The following LYPLAL1 variants were observed in gnomAD, a reference collection of about 807,000 sequenced individuals.
LYPLAL1 encodes the protein lysophospholipase like 1.
Under a neutral mutation model 19.7 loss-of-function variants are expected in LYPLAL1, and 23 were observed. The ratio of observed to expected loss-of-function variants is 1.17; its 90% CI spans 0.84 to 1.65. The LOEUF is 1.65. LYPLAL1 is among the 40% of genes most tolerant of loss of function. The pLI is 0.00. For missense variants in LYPLAL1, 355 were observed against 279.4 expected (o/e 1.27, Z -1.93); for synonymous variants, 119 against 96.3 (o/e 1.24, Z -1.38).
the LYPLAL1 span, among the ~76,000 whole-genome samples, chr1:219,435,832 GATA>G: frequency 3.4e-3 from 513 of 151,060 alleles, 8 homozygotes; most frequent in African/African-American, 0.012. Context: ...TCCCAAAAAT[GATA>G]ATAATAATAA....
At chr1:219,366,494 C>T in the LYPLAL1 span, among the ~76,000 whole-genome samples, 2 of 152,176 alleles carry the variant, frequency 1.3e-5, no homozygotes, top group Non-Finnish European at 2.9e-5. Flanking sequence ...TACTATAGAA[C>T]AGTTTCTGTT....
the LYPLAL1 span, among the ~76,000 whole-genome samples, chr1:219,380,713 T>G: frequency 5.9e-5 from 9 of 152,192 alleles, no homozygotes; most frequent in African/African-American, 2.2e-4. Context: ...CAAAAGGCAA[T>G]ATAAATATCT....
At chr1:219,432,764 T>C in the LYPLAL1 span, among the ~76,000 whole-genome samples, 1 of 152,224 alleles carries the variant, frequency 6.6e-6, no homozygotes, top group African/African-American at 2.4e-5. Context: ...CCTTTTAAAG[T>C]TAAGCACTTA....
chr1:219,340,504 C>T, the LYPLAL1 span, among the ~76,000 whole-genome samples: 2 of 152,032 alleles, frequency 1.3e-5, no homozygotes, highest in Non-Finnish European at 2.9e-5. Flanking sequence ...GGGGAAGTTA[C>T]ATTACATTAA....
chr1:219,252,548 G>T, the LYPLAL1 span, among the ~76,000 whole-genome samples: 1 of 152,084 alleles, frequency 6.6e-6, no homozygotes, highest in Non-Finnish European at 1.5e-5. Context: ...TAAGCATGTG[G>T]TTTTTGTCTT....
the LYPLAL1 span, among the ~76,000 whole-genome samples, chr1:219,249,125 A>G: frequency 1.3e-5 from 2 of 152,018 alleles, no homozygotes; most frequent in Admixed American, 6.6e-5. Flanking sequence ...TAGCTAAAGA[A>G]CTAGATGGTC....
At chr1:219,232,615 A>G in the LYPLAL1 span, among the ~76,000 whole-genome samples, 2 of 152,214 alleles carry the variant, frequency 1.3e-5, no homozygotes, top group African/African-American at 4.8e-5. Flanking sequence ...ATGGGAGAAA[A>G]TATTTGCCAA....
At chr1:219,236,529 A>G in the LYPLAL1 span, among the ~76,000 whole-genome samples, 1 of 152,242 alleles carries the variant, frequency 6.6e-6, no homozygotes. Flanking sequence ...CCTAACTGTC[A>G]ATAAGACATT....
chr1:219,200,860 G>A (rs975193959), intron 3 of LYPLAL1, among the ~76,000 whole-genome samples: 5 of 152,208 alleles, frequency 3.3e-5, no homozygotes, highest in African/African-American at 9.6e-5. Context: ...CTGTCTCCCC[G>A]GAGTTGCCTC....
At chr1:219,397,902 G>A in the LYPLAL1 span, among the ~76,000 whole-genome samples, 1 of 152,138 alleles carries the variant, frequency 6.6e-6, no homozygotes, top group Non-Finnish European at 1.5e-5. Context: ...GACTTGTAAG[G>A]TTTCTGCTGA....
the LYPLAL1 span, among the ~76,000 whole-genome samples, chr1:219,346,482 AAAG>A: frequency 6.6e-6 from 1 of 151,230 alleles, no homozygotes; most frequent in African/African-American, 2.4e-5. Context: ...TTTTTTCAAA[AAAG>A]CCATAAACAT....
At chr1:219,223,327 C>T in the LYPLAL1 span, 3 of 152,202 alleles carry the variant, frequency 2.0e-5, no homozygotes, top group African/African-American at 7.2e-5. Flanking sequence ...CCCAGTAAAC[C>T]ATACAATTTG....
the LYPLAL1 span, chr1:219,272,203 G>C: frequency 6.6e-6 from 1 of 152,572 alleles, no homozygotes; most frequent in African/African-American, 2.4e-5. Context: ...ATTGGGGCTG[G>C]CTTCCAAACT....
the LYPLAL1 span, among the ~76,000 whole-genome samples, chr1:219,396,949 T>C: frequency 7.2e-5 from 11 of 152,310 alleles, no homozygotes; most frequent in African/African-American, 2.6e-4. Context: ...TCCAATACTA[T>C]GTTGAGTAGG....
the LYPLAL1 span, among the ~76,000 whole-genome samples, chr1:219,252,874 G>C: frequency 6.6e-6 from 1 of 152,020 alleles, no homozygotes; most frequent in Non-Finnish European, 1.5e-5. Flanking sequence ...GCTCATCTTT[G>C]TACATCTGGT....
the LYPLAL1 span, among the ~76,000 whole-genome samples, chr1:219,265,172 A>G: frequency 2.6e-5 from 4 of 152,234 alleles, no homozygotes; most frequent in Admixed American, 1.3e-4. Flanking sequence ...GTCCTGGGGT[A>G]TATATAGCAC....
the LYPLAL1 span, among the ~76,000 whole-genome samples, chr1:219,266,199 T>C: frequency 1.3e-5 from 2 of 152,154 alleles, no homozygotes; most frequent in East Asian, 3.8e-4. Flanking sequence ...AACAAACACA[T>C]TTTAGAGCTG....
chr1:219,337,173 C>A, the LYPLAL1 span, among the ~76,000 whole-genome samples: 4 of 151,964 alleles, frequency 2.6e-5, no homozygotes, highest in African/African-American at 9.7e-5. Context: ...CCACTCTGAT[C>A]AACCAGGATT....
chr1:219,174,036 C>A, intron 1 of LYPLAL1, 55 bp downstream of exon 1: 1 of 1,610,106 alleles, frequency 6.2e-7, no homozygotes, highest in Non-Finnish European at 8.5e-7. Context: ...ATCCTCCCCT[C>A]GGTTACCCCA....
Sources: gnomAD v4.1 joint callset for allele counts (sites outside exome capture counted in the v4.1 genomes callset) on GRCh38, gnomAD v4.1.1 for gene constraint, MANE v1.5 for transcripts, NCBI Gene and HGNC (gene_info 2026-07-23, HGNC 2026-07-21) for gene names.